PGRMC1: variants seen among roughly 807,000 people sequenced by gnomAD.
PGRMC1 encodes membrane-associated progesterone receptor component 1.
For synonymous variants in PGRMC1, 73 were observed against 77.3 expected (o/e 0.94, Z 0.29); for missense variants, 145 against 169.0 (o/e 0.86, Z 0.79).
At chrX:119,238,395 C>T (rs920335515) in intron 1 of PGRMC1, among the ~76,000 whole-genome samples, 2 of 111,695 alleles carry the variant, frequency 1.8e-5, no homozygotes, top group East Asian at 5.6e-4. Context: ...AGGCATGTAA[C>T]TGTCAAAATC....
chrX:119,239,731 T>G (rs1280892551), intron 1 of PGRMC1, among the ~76,000 whole-genome samples: 1 of 112,123 alleles, frequency 8.9e-6, no homozygotes, highest in Non-Finnish European at 1.9e-5. Flanking sequence ...GTGAAGGTTA[T>G]GTAATGTGGA....
In PGRMC1 at chrX:119,243,566, T is replaced by A. The variant is rs1184268710; in HGVS notation, c.*312T>A. ...TGAGAGACAAGGAAGACTTGGGTAT[T>A]TCCCAAAACAGGTAAAAATCTTAAA... On this transcript the variant is annotated 3_prime_UTR_variant, in exon 3 of 3. Coordinates refer to ENST00000217971, the MANE Select transcript of PGRMC1 (RefSeq NM_006667.5). 1.6e-5 allele frequency: 4 copies of A among 245,359 alleles called. No homozygotes were observed. The Admixed American group carries it at 2.5e-4, about 15-fold the overall frequency. The allele number at this position is 245,359 out of a possible 1,213,427, so 20.2% of individuals were successfully genotyped here. A position where few individuals can be genotyped will look rare whatever the true frequency, so the allele number is the denominator to read the frequency against.
At position 119,244,003 on chromosome X, in the gene PGRMC1, A is replaced by T. The variant is rs1930884500; in HGVS notation, c.*749A>T. 8.9e-6 allele frequency: 1 copy of T among 111,805 alleles called. No individual in the cohort carries two copies. The highest frequency in any genetic ancestry group is 1.9e-5 in the Non-Finnish European group (1 of 53,139). The allele number at this position is 111,805 out of a possible 1,213,427, so 9.2% of individuals were successfully genotyped here. On this transcript the variant is annotated 3_prime_UTR_variant, in exon 3 of 3. Coordinates refer to ENST00000217971, the MANE Select transcript of PGRMC1 (RefSeq NM_006667.5). ...GACTGTCTTCCCAAGCCCCATGTTC[A>T]TGGTGGGGCAATGGTTATTTGGTTA... is the stretch of plus-strand genomic sequence containing the variant.
At position 119,236,496 on chromosome X, in the gene PGRMC1, A is replaced by G. The variant is rs1930696001; in HGVS notation, c.133A>G (p.Ile45Val). 8.3e-7 allele frequency: 1 copy of G among 1,208,315 alleles called. No homozygotes were observed. The highest frequency in any genetic ancestry group is 1.8e-5 in the African/African-American group (1 of 56,995). The change falls in exon 1 of 3, where the codon ATC (isoleucine) becomes GTC (valine). Residue 45 changes from isoleucine to valine, a missense_variant. Transcript: ENST00000217971. ...CCTCTGCATCTTCCTGCTCTACAAGATCGTGCGCGGGGACCAGCCGGCGGC... is the reference window on the plus strand; with the variant it reads ...CCTCTGCATCTTCCTGCTCTACAAGGTCGTGCGCGGGGACCAGCCGGCGGC... ...LGLCIFLLYK[I>V]VRGDQPAASG... is the part of the protein sequence containing the mutation.
In PGRMC1 at chrX:119,236,507, G is replaced by A. The variant is rs35731236; in HGVS notation, c.144G>A (p.Gly48=). 529 of 1,208,833 alleles carry A rather than the reference G, an allele frequency of 4.4e-4. 2 individuals carry two copies. The African/African-American group carries it at 8.0e-3, about 18-fold the overall frequency. The change falls in exon 1 of 3, where the codon GGG becomes GGA. Residue 48 remains glycine, a synonymous_variant. Coordinates refer to ENST00000217971, the MANE Select transcript of PGRMC1 (RefSeq NM_006667.5). ...TCCTGCTCTACAAGATCGTGCGCGG[G>A]GACCAGCCGGCGGCCAGCGGCGACA... is the stretch of plus-strand genomic sequence containing the variant. ...CIFLLYKIVR[G]DQPAASGDSD...
rs1461619617 is a variant in PGRMC1 at position 119,243,278 on chromosome X, T to C, written c.*24T>C. On this transcript the variant is annotated 3_prime_UTR_variant, in exon 3 of 3. Coordinates refer to ENST00000217971, the MANE Select transcript of PGRMC1 (RefSeq NM_006667.5). ...AAAGCATTCAGTGGAAGTATATCTATTTTTGTATTTTGCAAAATCATTTGT... is the reference window on the plus strand; with the variant it reads ...AAAGCATTCAGTGGAAGTATATCTACTTTTGTATTTTGCAAAATCATTTGT... 1.0e-6 allele frequency: 1 copy of C among 989,753 alleles called. No homozygotes were observed. The highest frequency in any genetic ancestry group is 2.2e-5 in the Admixed American group (1 of 45,551). The allele number at this position is 989,753 out of a possible 1,213,427, so 81.6% of individuals were successfully genotyped here. A position where few individuals can be genotyped will look rare whatever the true frequency, so the allele number is the denominator to read the frequency against.
At chrX:119,236,791 G>T in intron 1 of PGRMC1, 100 bp downstream of exon 1, 3 of 715,985 alleles carry the variant, frequency 4.2e-6, no homozygotes, top group Non-Finnish European at 6.0e-6. Flanking sequence ...CCCCTGAGTG[G>T]AGGGAGGAAT....
intron 1 of PGRMC1, among the ~76,000 whole-genome samples, chrX:119,239,851 C>T (rs1159872548): frequency 2.7e-5 from 3 of 111,787 alleles, no homozygotes; most frequent in African/African-American, 9.8e-5. Context: ...ACCTTTGTTT[C>T]ATTAAAACAT....
chrX:119,239,708 CTATT>C (rs1009334722), intron 1 of PGRMC1, among the ~76,000 whole-genome samples: 1 of 111,473 alleles, frequency 9.0e-6, no homozygotes, highest in Non-Finnish European at 1.9e-5. Flanking sequence ...TCTGTGTTAT[CTATT>C]TATTGACAGT....
intron 2 of PGRMC1, among the ~76,000 whole-genome samples, chrX:119,242,003 C>T (rs1246397922): frequency 8.9e-6 from 1 of 111,796 alleles, no homozygotes; most frequent in East Asian, 2.8e-4. Context: ...ATAGGTTTTT[C>T]TCTGTGCTGG....
rs1471971957 is a variant in PGRMC1, at chrX:119,243,994, C to T, written c.*740C>T. 3 of 111,390 alleles carry T rather than the reference C, an allele frequency of 2.7e-5. No individual in the cohort carries two copies. Among genetic ancestry groups the T allele is most frequent in the African/African-American group, 9.8e-5 (3 of 30,604 alleles). The allele number at this position is 111,390 out of a possible 1,213,427, so 9.2% of individuals were successfully genotyped here. On this transcript the variant is annotated 3_prime_UTR_variant, in exon 3 of 3. Transcript: ENST00000217971. Reference sequence around the variant, plus strand: ...AGATTGTAGGACTGTCTTCCCAAGCCCCATGTTCATGGTGGGGCAATGGTT... The same window carrying T: ...AGATTGTAGGACTGTCTTCCCAAGCTCCATGTTCATGGTGGGGCAATGGTT...
intron 1 of PGRMC1, among the ~76,000 whole-genome samples, chrX:119,236,981 G>C (rs1029223998): frequency 3.6e-5 from 4 of 112,146 alleles, no homozygotes; most frequent in Non-Finnish European, 7.5e-5. Flanking sequence ...CTTAAGCCGG[G>C]GGTGGGTGGG....
chrX:119,236,926 G>A (rs1162333251), intron 1 of PGRMC1, among the ~76,000 whole-genome samples: 1 of 112,221 alleles, frequency 8.9e-6, no homozygotes, highest in Non-Finnish European at 1.9e-5. Flanking sequence ...TCCCCGGCCC[G>A]CGCTGACAGC....
chrX:119,236,643 A>G lies in PGRMC1; in HGVS notation c.280A>G (p.Asn94Asp), dbSNP rs1269601413. The G allele has an allele frequency of 1.7e-6, 2 of 1,206,405 alleles. No individual in the cohort carries two copies. Among genetic ancestry groups the G allele is most frequent in the Non-Finnish European group, 2.2e-6 (2 of 893,073 alleles). Residue 94 changes from asparagine to aspartate, a missense_variant, in exon 1 of 3, where the codon AAC (asparagine) becomes GAC (aspartate). Transcript: ENST00000217971. Reference sequence around the variant, plus strand: ...GGACCCGCGCATACTCATGGCCATCAACGGCAAGGTGTTCGATGTGACCAA... The same window carrying G: ...GGACCCGCGCATACTCATGGCCATCGACGGCAAGGTGTTCGATGTGACCAA... ...VQDPRILMAINGKVFDVTKGR... is the reference protein window; with the variant it reads ...VQDPRILMAIDGKVFDVTKGR...
Position 119,236,698 on chromosome X carries a change from G to A in PGRMC1, c.328+7G>A. 8 of 1,165,847 alleles carry A rather than the reference G, an allele frequency of 6.9e-6. No individual in the cohort carries two copies. The highest frequency in any genetic ancestry group is 9.2e-6 in the Non-Finnish European group (8 of 869,294). The stretch of plus-strand genomic sequence containing the variant: ...CGCAAATTCTACGGGCCCGGTACGC[G>A]GCCGGCGAGGGGGGCTTGGAGACAA... On this transcript the variant is annotated splice_region_variant and intron_variant, in intron 1 of 2. Coordinates refer to ENST00000217971, the MANE Select transcript of PGRMC1 (RefSeq NM_006667.5).
Position 119,238,361 on chromosome X carries a change from T to C in PGRMC1, c.328+1670T>C, listed in dbSNP as rs972231764. On this transcript the variant is annotated intron_variant, in intron 1 of 2. Transcript: ENST00000217971. ...TGAGCCACTGCACCGGGCCTGTGGA[T>C]ATTTTAGAATACCTGCTTTCTATAG... is the stretch of plus-strand genomic sequence containing the variant. 2.7e-5 allele frequency among the ~76,000 whole-genome samples: 3 copies of C among 112,274 alleles called. No homozygotes were observed. The South Asian group carries it at 1.1e-3, about 42-fold the overall frequency.
chrX:119,238,471 T>C (rs929577899), intron 1 of PGRMC1, among the ~76,000 whole-genome samples: 5 of 112,517 alleles, frequency 4.4e-5, no homozygotes, highest in African/African-American at 1.3e-4. Flanking sequence ...TCAATAAACA[T>C]AATCATGTAA....
chrX:119,236,635 T>C lies in PGRMC1; in HGVS notation c.272T>C (p.Met91Thr), dbSNP rs776947628. The C allele has an allele frequency of 7.0e-5, 85 of 1,205,848 alleles. No individual in the cohort carries two copies. In the East Asian group the frequency reaches 2.4e-3, roughly 35 times the overall value. ...GGCGTCCAGGACCCGCGCATACTCA[T>C]GGCCATCAACGGCAAGGTGTTCGAT... ...FDGVQDPRIL[M>T]AINGKVFDVT... Residue 91 changes from methionine to threonine, a missense_variant, in exon 1 of 3, where the codon ATG becomes ACG. Transcript: ENST00000217971.
chrX:119,240,153 T>C (rs113085816), intron 1 of PGRMC1, among the ~76,000 whole-genome samples, 156 bp from the exon 2 acceptor site: 1 of 112,753 alleles, frequency 8.9e-6, no homozygotes, highest in African/African-American at 3.2e-5. Context: ...GTCTCCTACA[T>C]AATGTTCAGA....
Sources: allele counts gnomAD v4.1 joint callset (sites outside exome capture counted in the v4.1 genomes callset), GRCh38; gene constraint gnomAD v4.1.1; transcripts MANE v1.5; gene names NCBI Gene and HGNC (gene_info 2026-07-23, HGNC 2026-07-21).